The following HTR1E variants were observed in gnomAD, a reference collection of about 807,000 sequenced individuals.
HTR1E encodes the protein 5-HT-1E.
In HTR1E, 3 loss-of-function variants were observed where a neutral mutation model predicts 3.4. That is an observed-to-expected ratio of 0.89 (90% CI 0.41 to 2.31). The LOEUF (loss-of-function observed/expected upper bound fraction) is 2.31. Ranked by LOEUF, HTR1E falls within the 30% of genes most tolerant of loss-of-function variation. The pLI is 0.05. For synonymous variants in HTR1E, 170 were observed against 182.8 expected (o/e 0.93, Z 0.56); for missense variants, 392 against 467.0 (o/e 0.84, Z 1.48).
chr6:86,957,955 A>T lies in HTR1E; in HGVS notation c.-186+20132A>T, dbSNP rs568090926. 2.0e-5 allele frequency among the ~76,000 whole-genome samples: 3 copies of T among 152,290 alleles called. No individual in the cohort carries two copies. The East Asian group carries it at 5.8e-4, about 29-fold the overall frequency. On this transcript the variant is annotated intron_variant, in intron 1 of 1. Coordinates refer to ENST00000305344, the MANE Select transcript of HTR1E (RefSeq NM_000865.3). ...TAGTCATATATACTTCCATAATAGT[A>T]AAATTTTTTAAACTCAGGCTATATC...
chr6:86,963,874 G>GT (rs1348286459), intron 1 of HTR1E, among the ~76,000 whole-genome samples: 1 of 152,172 alleles, frequency 6.6e-6, no homozygotes, highest in Non-Finnish European at 1.5e-5. Flanking sequence ...TGTCCCTGAT[G>GT]TTAAGCAATG....
intron 1 of HTR1E, among the ~76,000 whole-genome samples, chr6:86,946,359 C>T (rs1475037262): frequency 6.6e-6 from 1 of 152,180 alleles, no homozygotes; most frequent in Non-Finnish European, 1.5e-5. Flanking sequence ...TTACATTTGC[C>T]TACAGTATTC....
chr6:86,974,601 A>G (rs1012761460), intron 1 of HTR1E, among the ~76,000 whole-genome samples: 1 of 152,144 alleles, frequency 6.6e-6, no homozygotes, highest in Non-Finnish European at 1.5e-5. Context: ...CATGATTGCA[A>G]TTTGTTCTAT....
At chr6:87,009,477 G>T (rs986846767) in intron 1 of HTR1E, among the ~76,000 whole-genome samples, 1 of 151,646 alleles carries the variant, frequency 6.6e-6, no homozygotes, top group Non-Finnish European at 1.5e-5. Context: ...ACACAGACAC[G>T]GCAACCATCC....
chr6:86,938,356 G>A (rs1439667230), intron 1 of HTR1E, among the ~76,000 whole-genome samples: 1 of 152,152 alleles, frequency 6.6e-6, no homozygotes, highest in East Asian at 1.9e-4. Context: ...TGGAGGTAAT[G>A]AGGCAGGCTC....
At chr6:86,964,743 A>C (rs1474915643) in intron 1 of HTR1E, among the ~76,000 whole-genome samples, 2 of 152,236 alleles carry the variant, frequency 1.3e-5, no homozygotes, top group Non-Finnish European at 2.9e-5. Flanking sequence ...GAACTCAATG[A>C]AAGAGTAATT....
intron 1 of HTR1E, among the ~76,000 whole-genome samples, chr6:86,980,840 A>C (rs1767701903): frequency 6.6e-6 from 1 of 152,170 alleles, no homozygotes. Context: ...TGAGATTCAC[A>C]GTTCCCTTTT....
chr6:87,015,883 C>A lies in HTR1E; in HGVS notation c.549C>A (p.Thr183=). The A allele has an allele frequency of 6.2e-7, 1 of 1,613,324 alleles. No individual in the cohort carries two copies. The highest frequency in any genetic ancestry group is 8.5e-7 in the Non-Finnish European group (1 of 1,179,542). Reference sequence around the variant, plus strand: ...TCCAGCACGACCATGTTATCTACACCATTTACTCCACGCTGGGTGCGTTTT... The same window carrying A: ...TCCAGCACGACCATGTTATCTACACAATTTACTCCACGCTGGGTGCGTTTT... ...CTIQHDHVIY[T]IYSTLGAFYI... The change falls in exon 2 of 2, where the codon ACC becomes ACA. Residue 183 remains threonine (T), a synonymous_variant. Transcript: ENST00000305344.
At chr6:87,010,318 A>ACC (rs1249536199) in intron 1 of HTR1E, among the ~76,000 whole-genome samples, 1 of 68,594 alleles carries the variant, frequency 1.5e-5, no homozygotes, top group Admixed American at 1.7e-4. Flanking sequence ...GGGGGGGCTG[A>ACC]CCCCCCCCAC....
intron 1 of HTR1E, among the ~76,000 whole-genome samples, chr6:86,953,091 T>C (rs1253953985): frequency 1.3e-5 from 2 of 152,210 alleles, no homozygotes; most frequent in African/African-American, 2.4e-5. Flanking sequence ...ATTCTTTACA[T>C]AGCTTTGTTA....
chr6:87,006,168 T>G (rs1768104061), intron 1 of HTR1E, among the ~76,000 whole-genome samples: 1 of 152,208 alleles, frequency 6.6e-6, no homozygotes, highest in Non-Finnish European at 1.5e-5. Flanking sequence ...GAGAACAGTT[T>G]GGAGGTTCCT....
chr6:86,970,800 G>A (rs941500144), intron 1 of HTR1E: 5 of 224,456 alleles, frequency 2.2e-5, no homozygotes, highest in South Asian at 6.7e-5. Context: ...CACCTTTGTC[G>A]GATCTTCAGT....
intron 1 of HTR1E, among the ~76,000 whole-genome samples, chr6:86,977,657 C>T (rs577252964): frequency 2.0e-5 from 3 of 152,210 alleles, no homozygotes; most frequent in South Asian, 4.2e-4. Flanking sequence ...AGTGTGTAAG[C>T]GTTCCCTTTT....
At chr6:86,958,098 G>A (rs868813497) in intron 1 of HTR1E, among the ~76,000 whole-genome samples, 12 of 138,548 alleles carry the variant, frequency 8.7e-5, no homozygotes, top group Middle Eastern at 4.1e-3. Context: ...TCGCTCTGTC[G>A]CCCAGGCTGG....
intron 1 of HTR1E, among the ~76,000 whole-genome samples, chr6:86,941,838 G>A (rs1004208202): frequency 6.6e-6 from 1 of 151,866 alleles, no homozygotes; most frequent in East Asian, 1.9e-4. Flanking sequence ...AGGGAGCAAG[G>A]AAGGAAGGAA....
At chr6:87,010,939 C>T (rs958223628) in intron 1 of HTR1E, among the ~76,000 whole-genome samples, 4 of 152,162 alleles carry the variant, frequency 2.6e-5, no homozygotes, top group Non-Finnish European at 5.9e-5. Flanking sequence ...TGATTTAACC[C>T]GTGAATTTTT....
intron 1 of HTR1E, among the ~76,000 whole-genome samples, chr6:86,940,056 C>A (rs988029102): frequency 6.6e-6 from 1 of 152,136 alleles, no homozygotes; most frequent in African/African-American, 2.4e-5. Context: ...CCAGGACACA[C>A]CTCTAGTTCA....
At chr6:86,977,122 G>A (rs1241613270) in intron 1 of HTR1E, among the ~76,000 whole-genome samples, 1 of 152,004 alleles carries the variant, frequency 6.6e-6, no homozygotes, top group Non-Finnish European at 1.5e-5. Flanking sequence ...TGTTACATGG[G>A]TATGTTACAC....
At chr6:86,983,535 T>A (rs1767741279) in intron 1 of HTR1E, among the ~76,000 whole-genome samples, 1 of 152,060 alleles carries the variant, frequency 6.6e-6, no homozygotes, top group Non-Finnish European at 1.5e-5. Context: ...AAAGGGGAAA[T>A]GACGAGGGGT....
Sources: gnomAD v4.1 joint callset for allele counts (sites outside exome capture counted in the v4.1 genomes callset) on GRCh38, gnomAD v4.1.1 for gene constraint, MANE v1.5 for transcripts, NCBI Gene and HGNC (gene_info 2026-07-23, HGNC 2026-07-21) for gene names.